TRAM2: variants seen among roughly 807,000 people sequenced by gnomAD.
The protein encoded by TRAM2 is translocation associated membrane protein 2, also known as translocating chain-associated membrane protein 2.
In TRAM2, 12 loss-of-function variants were observed where a neutral mutation model predicts 51.0. That is an observed-to-expected ratio of 0.24 (90% CI 0.15 to 0.38). TRAM2 has a LOEUF of 0.38. Among genes scored for constraint, TRAM2 ranks in the 10% least tolerant of loss-of-function variants. The pLI is 1.00. For synonymous variants in TRAM2, 175 were observed against 179.4 expected (o/e 0.98, Z 0.20); for missense variants, 361 against 462.0 (o/e 0.78, Z 2.00).
chr6:52,497,928 C>T lies in TRAM2; in HGVS notation c.*5269G>A, dbSNP rs979554438. On this transcript the variant is annotated 3_prime_UTR_variant, in exon 11 of 11. Transcript: ENST00000182527. ...CCTTCCTCTCCACGTGAACAAGTAGCTCTAGAGTGCTTTTAGGCAGAGTGA... is the reference window on the plus strand; with the variant it reads ...CCTTCCTCTCCACGTGAACAAGTAGTTCTAGAGTGCTTTTAGGCAGAGTGA... 5.9e-5 allele frequency: 9 copies of T among 152,232 alleles called. No homozygotes were observed. 9.4% of individuals were successfully genotyped at this position (152,232 alleles called of 1,614,324 possible).
At chr6:52,550,955 G>T (rs1447928291) in intron 1 of TRAM2, among the ~76,000 whole-genome samples, 1 of 152,118 alleles carries the variant, frequency 6.6e-6, no homozygotes, top group African/African-American at 2.4e-5. Flanking sequence ...CAGACAAATC[G>T]CCACTCTTTA....
In TRAM2 at chr6:52,500,517, GGTTTTTTTTT is replaced by G. The variant is rs1399679467; in HGVS notation, c.*2670_*2679del. The G allele has an allele frequency of 9.6e-6, 1 of 103,958 alleles. No homozygotes were observed. Among genetic ancestry groups the G allele is most frequent in the Non-Finnish European group, 2.2e-5 (1 of 45,762 alleles). 6.4% of individuals were successfully genotyped at this position (103,958 alleles called of 1,614,324 possible). On this transcript the variant is annotated 3_prime_UTR_variant, in exon 11 of 11. Coordinates refer to ENST00000182527, the MANE Select transcript of TRAM2 (RefSeq NM_012288.4). Reference sequence around the variant, plus strand: ...ATGCCAGCCCCACTCATGGTCTCAGGGTTTTTTTTTGTTTTTTTTTTTTTTTTTACATAAA... The same window carrying G: ...ATGCCAGCCCCACTCATGGTCTCAGGGTTTTTTTTTTTTTTTTTACATAAA...
chr6:52,516,795 C>T (rs1766559163), intron 2 of TRAM2, 58 bp from the exon 3 acceptor site: 6 of 1,371,862 alleles, frequency 4.4e-6, no homozygotes, highest in Non-Finnish European at 6.2e-6. Flanking sequence ...ACTCTGGGAC[C>T]CAAAACTGAA....
chr6:52,550,658 T>C (rs888375347), intron 1 of TRAM2, among the ~76,000 whole-genome samples: 7 of 152,078 alleles, frequency 4.6e-5, no homozygotes, highest in Non-Finnish European at 1.0e-4. Flanking sequence ...CTCACGTGAT[T>C]CTCCTGCCTC....
chr6:52,529,850 T>A (rs1766854331), intron 2 of TRAM2: 1 of 152,132 alleles, frequency 6.6e-6, no homozygotes, highest in Non-Finnish European at 1.5e-5. Flanking sequence ...AGGCCTGGAG[T>A]CTGCCTGTGG....
chr6:52,505,376 A>G (rs2076632), intron 9 of TRAM2, among the ~76,000 whole-genome samples: 15,231 of 152,300 alleles, frequency 0.1, 1,308 homozygotes, highest in East Asian at 0.45. Flanking sequence ...AGGGATTCCT[A>G]TTTGGACTAC....
chr6:52,509,946 A>T (rs1766423582), intron 4 of TRAM2, among the ~76,000 whole-genome samples: 2 of 152,160 alleles, frequency 1.3e-5, no homozygotes, highest in Non-Finnish European at 2.9e-5. Flanking sequence ...TCACAGAGTT[A>T]TTGTTGGAAA....
rs1064217 is a variant in TRAM2, at chr6:52,502,437, G to A, written c.*760C>T. 118,190 of 150,566 alleles carry A rather than the reference G, an allele frequency of 0.78. 45,999 individuals carry two copies. Among genetic ancestry groups the A allele is most frequent in the South Asian group, 0.82 (3,939 of 4,776 alleles). The allele number at this position is 150,566 out of a possible 1,614,324, so 9.3% of individuals were successfully genotyped here. ...CTCTCGCTCTAAGCAGTGGGAAGAC[G>A]TGTCCCCCCCCACAGAGCGACAGCA... is the stretch of plus-strand genomic sequence containing the variant. On this transcript the variant is annotated 3_prime_UTR_variant, in exon 11 of 11. Transcript: ENST00000182527.
intron 1 of TRAM2, among the ~76,000 whole-genome samples, chr6:52,576,507 C>G (rs970195994): frequency 6.6e-6 from 1 of 152,130 alleles, no homozygotes; most frequent in Non-Finnish European, 1.5e-5. Context: ...GCGGTTGGTT[C>G]GAGGCCAGGC....
chr6:52,575,993 C>T (rs191707366), intron 1 of TRAM2, among the ~76,000 whole-genome samples: 1 of 152,272 alleles, frequency 6.6e-6, no homozygotes, highest in East Asian at 1.9e-4. Context: ...CCTGGGAGGC[C>T]GACACCAGGA....
chr6:52,535,153 C>T (rs576701525), intron 2 of TRAM2, among the ~76,000 whole-genome samples: 2 of 152,314 alleles, frequency 1.3e-5, no homozygotes, highest in Admixed American at 6.5e-5. Context: ...AAAAGGAAGC[C>T]ATGCTCTGGA....
chr6:52,576,738 C>A, intron 1 of TRAM2, 58 bp downstream of exon 1: 4 of 1,585,312 alleles, frequency 2.5e-6, no homozygotes, highest in Non-Finnish European at 3.4e-6. Flanking sequence ...AGGGGTGTGC[C>A]GGGCGGTGCA....
At chr6:52,559,893 G>A (rs1767469774) in intron 1 of TRAM2, among the ~76,000 whole-genome samples, 1 of 152,028 alleles carries the variant, frequency 6.6e-6, no homozygotes. Context: ...CAGAATTGTG[G>A]GAAGTTAACT....
rs905889239 is a variant in TRAM2, at chr6:52,535,770, C to G, written c.184+13G>C. Reference sequence around the variant, plus strand: ...AACAGGGCCAGGAGAAGATGGAGACCAGTGATTCTTACCTGCTGTAGGCAC... The same window carrying G: ...AACAGGGCCAGGAGAAGATGGAGACGAGTGATTCTTACCTGCTGTAGGCAC... On this transcript the variant is annotated intron_variant, in intron 2 of 10. Transcript: ENST00000182527. The G allele has an allele frequency of 3.7e-6, 6 of 1,609,356 alleles. No homozygotes were observed. The highest frequency in any genetic ancestry group is 5.1e-6 in the Non-Finnish European group (6 of 1,176,076).
intron 1 of TRAM2, among the ~76,000 whole-genome samples, chr6:52,554,510 A>AC (rs1419949188): frequency 8.8e-6 from 1 of 113,420 alleles, no homozygotes; most frequent in African/African-American, 3.2e-5. Context: ...ACAGAGTGAG[A>AC]CCCCATCTCA....
intron 2 of TRAM2, chr6:52,525,081 A>G (rs1766753054): frequency 6.6e-6 from 1 of 152,386 alleles, no homozygotes; most frequent in South Asian, 2.1e-4. Flanking sequence ...ATCTCCATTT[A>G]CTGACATGGC....
Position 52,499,838 on chromosome 6 carries a change from G to A in TRAM2, c.*3359C>T, listed in dbSNP as rs1355687992. The A allele has an allele frequency of 6.6e-6, 1 of 152,224 alleles. No homozygotes were observed. The highest frequency in any genetic ancestry group is 2.4e-5 in the African/African-American group (1 of 41,430). 9.4% of individuals were successfully genotyped at this position (152,224 alleles called of 1,614,324 possible). On this transcript the variant is annotated 3_prime_UTR_variant, in exon 11 of 11. Transcript: ENST00000182527. Reference sequence around the variant, plus strand: ...TCGGTCTGGTGGCCCAGACACACATGGGATTAGAACTGACTCAAAAGGGAG... The same window carrying A: ...TCGGTCTGGTGGCCCAGACACACATAGGATTAGAACTGACTCAAAAGGGAG...
chr6:52,554,462 G>A (rs370012120), intron 1 of TRAM2, among the ~76,000 whole-genome samples: 18 of 146,862 alleles, frequency 1.2e-4, no homozygotes, highest in East Asian at 4.0e-4. Flanking sequence ...AGAGGTTGCA[G>A]TGAGCAGATA....
At chr6:52,539,282 T>C (rs2114089143) in intron 1 of TRAM2, among the ~76,000 whole-genome samples, 1 of 152,264 alleles carries the variant, frequency 6.6e-6, no homozygotes, top group South Asian at 2.1e-4. Context: ...GGAGGCAGAG[T>C]GTCGCCTTGT....
Sources: gnomAD v4.1 joint callset for allele counts (sites outside exome capture counted in the v4.1 genomes callset) on GRCh38, gnomAD v4.1.1 for gene constraint, MANE v1.5 for transcripts, NCBI Gene and HGNC (gene_info 2026-07-23, HGNC 2026-07-21) for gene names.